The following DENND1A variants were observed in gnomAD, a reference collection of about 807,000 sequenced individuals.
The protein encoded by DENND1A is DENN domain-containing protein 1A.
In DENND1A, 51 loss-of-function variants were observed where a neutral mutation model predicts 113.7. That is an observed-to-expected ratio of 0.45 (90% CI 0.36 to 0.57). The LOEUF is 0.57. DENND1A is among the 20% of genes least tolerant of loss of function. The pLI is 0.00. For missense variants in DENND1A, 1,258 were observed against 1,395.9 expected (o/e 0.90, Z 1.57); for synonymous variants, 565 against 570.8 (o/e 0.99, Z 0.14).
intron 8 of DENND1A, among the ~76,000 whole-genome samples, chr9:123,660,624 T>C (rs1209987167): frequency 1.3e-5 from 2 of 152,246 alleles, no homozygotes; most frequent in Non-Finnish European, 2.9e-5. Flanking sequence ...ACATTATTTA[T>C]AGAAAATGTA....
intron 2 of DENND1A, among the ~76,000 whole-genome samples, chr9:123,818,234 A>G (rs1837835009): frequency 6.6e-6 from 1 of 151,326 alleles, no homozygotes; most frequent in African/African-American, 2.4e-5. Context: ...CCTCCCGAGT[A>G]GCTGGGACTA....
chr9:123,787,997 G>C (rs1428163648), intron 3 of DENND1A, among the ~76,000 whole-genome samples: 1 of 152,098 alleles, frequency 6.6e-6, no homozygotes, highest in Non-Finnish European at 1.5e-5. Context: ...ATATACAGGG[G>C]TAGGTAACTG....
chr9:123,406,374 G>C (rs567492733), intron 20 of DENND1A, among the ~76,000 whole-genome samples: 6 of 152,340 alleles, frequency 3.9e-5, no homozygotes, highest in African/African-American at 1.4e-4. Flanking sequence ...CACAATGGGG[G>C]CTCAATAAAT....
At chr9:123,388,715 C>T (rs934876256) in intron 21 of DENND1A, among the ~76,000 whole-genome samples, 9 of 152,370 alleles carry the variant, frequency 5.9e-5, no homozygotes, top group Non-Finnish European at 8.8e-5. Flanking sequence ...AGAAACTCCA[C>T]GCCCGGCTCC....
At chr9:123,504,386 TTTG>T (rs1375951706) in intron 13 of DENND1A, among the ~76,000 whole-genome samples, 1 of 152,224 alleles carries the variant, frequency 6.6e-6, no homozygotes, top group African/African-American at 2.4e-5. Context: ...ATGGTTTGTC[TTTG>T]TATACCTGAC....
intron 2 of DENND1A, among the ~76,000 whole-genome samples, chr9:123,876,286 A>G (rs1354833839): frequency 2.6e-5 from 4 of 152,220 alleles, no homozygotes; most frequent in Non-Finnish European, 5.9e-5. Context: ...TGAAAACTAA[A>G]TGGACTGCAT....
At chr9:123,765,611 G>A (rs1411732991) in intron 4 of DENND1A, among the ~76,000 whole-genome samples, 3 of 152,130 alleles carry the variant, frequency 2.0e-5, no homozygotes, top group African/African-American at 7.2e-5. Context: ...TCTGAAAGAG[G>A]ATAAACACAA....
chr9:123,519,603 G>C (rs959579045), intron 13 of DENND1A, among the ~76,000 whole-genome samples: 7 of 152,156 alleles, frequency 4.6e-5, no homozygotes, highest in African/African-American at 1.7e-4. Flanking sequence ...ATTTTTAGTA[G>C]AGAAAGGTTT....
intron 19 of DENND1A, chr9:123,413,834 C>A (rs937125792): frequency 4.1e-6 from 4 of 984,988 alleles, no homozygotes; most frequent in South Asian, 4.7e-5. Flanking sequence ...ACAGCCCCCC[C>A]ACCCCTCAAT....
chr9:123,671,194 G>T lies in DENND1A; in HGVS notation c.453+97C>A, dbSNP rs866050083. The T allele has an allele frequency of 5.6e-5, 79 of 1,406,544 alleles. 1 individual carries two copies. The Middle Eastern group carries it at 2.5e-3, about 44-fold the overall frequency. 87.1% of individuals were successfully genotyped at this position (1,406,544 alleles called of 1,614,324 possible). A position where few individuals can be genotyped will look rare whatever the true frequency, so the allele number is the denominator to read the frequency against. ...GTATTTGGGGGTAGGGTTAGGGGAG[G>T]TATGGCTGACAAAATACAATCCTGT... On this transcript the variant is annotated intron_variant, in intron 7 of 23. Transcript: ENST00000394215.
At chr9:123,456,495 C>G (rs2048135237) in intron 15 of DENND1A, among the ~76,000 whole-genome samples, 1 of 152,094 alleles carries the variant, frequency 6.6e-6, no homozygotes, top group African/African-American at 2.4e-5. Context: ...ACCAGGCACT[C>G]AACAATAATT....
intron 4 of DENND1A, among the ~76,000 whole-genome samples, chr9:123,761,575 C>A (rs1489493929): frequency 6.6e-6 from 1 of 152,138 alleles, no homozygotes; most frequent in Non-Finnish European, 1.5e-5. Flanking sequence ...GCTTGCCTTA[C>A]AGTGAAAAAG....
intron 11 of DENND1A, among the ~76,000 whole-genome samples, chr9:123,588,832 A>G (rs2059325698): frequency 6.7e-6 from 1 of 149,330 alleles, no homozygotes; most frequent in African/African-American, 2.5e-5. Context: ...CAGTGGCATG[A>G]TCTTGGCTCA....
chr9:123,651,976 G>C (rs920768693), intron 9 of DENND1A, 37 bp downstream of exon 9: 16 of 1,552,480 alleles, frequency 1.0e-5, no homozygotes, highest in African/African-American at 1.4e-5. Context: ...ATTAAAATTA[G>C]ATCATTAAAA....
In DENND1A at chr9:123,475,018, T is replaced by A. The variant is rs114150835; in HGVS notation, c.994-17121A>T. ...TTGTCACACCGCTGTGTGGGTTTTT[T>A]AATTAATTTATTTTTTTTTGAGACA... On this transcript the variant is annotated intron_variant, in intron 13 of 23. Coordinates refer to ENST00000394215, the MANE Select transcript of DENND1A (RefSeq NM_001352964.2). Among the ~76,000 whole-genome samples, 910 of 148,902 alleles carry A rather than the reference T, an allele frequency of 6.1e-3. 11 individuals are homozygous for A. The highest frequency in any genetic ancestry group is 0.021 in the African/African-American group (864 of 41,380).
chr9:123,665,059 G>C (rs1249546498), intron 8 of DENND1A, among the ~76,000 whole-genome samples: 2 of 152,024 alleles, frequency 1.3e-5, no homozygotes, highest in Non-Finnish European at 2.9e-5. Context: ...TCTGTCATTA[G>C]GGAAATATTT....
chr9:123,589,144 C>T (rs10986064), intron 11 of DENND1A, among the ~76,000 whole-genome samples: 23,611 of 152,018 alleles, frequency 0.16, 2,267 homozygotes, highest in Admixed American at 0.22. Context: ...AAGAACTTTG[C>T]GTGGATCATT....
intron 12 of DENND1A, among the ~76,000 whole-genome samples, chr9:123,564,799 G>T (rs2057955973): frequency 6.6e-6 from 1 of 152,028 alleles, no homozygotes. Flanking sequence ...GGACAACACA[G>T]GGCCCTAGGT....
chr9:123,879,091 G>T (rs1447868833), intron 1 of DENND1A, 70 bp from the exon 2 acceptor site: 19 of 1,452,310 alleles, frequency 1.3e-5, no homozygotes, highest in Middle Eastern at 1.7e-4. Flanking sequence ...GTGGGCTATG[G>T]TATTAAACAG....
Sources: gnomAD v4.1 joint callset for allele counts (sites outside exome capture counted in the v4.1 genomes callset) on GRCh38, gnomAD v4.1.1 for gene constraint, MANE v1.5 for transcripts, NCBI Gene and HGNC (gene_info 2026-07-23, HGNC 2026-07-21) for gene names.